Variants in COL4A2 observed in about 807,000 individuals in gnomAD.
The protein encoded by COL4A2 is collagen alpha-2(IV) chain.
COL4A2 carries 99 observed loss-of-function variants against 200.2 expected under a neutral mutation model. That is an observed-to-expected ratio of 0.49 (90% confidence interval 0.42 to 0.58). The LOEUF is 0.58. COL4A2 is among the 20% of genes least tolerant of loss of function. The probability of loss-of-function intolerance (pLI) is 0.00; values close to 1 mark genes in which losing one functional copy is unlikely to be tolerated. For missense variants in COL4A2, 1,950 were observed against 2,314.1 expected (o/e 0.84, Z 3.23); for synonymous variants, 897 against 900.6 (o/e 1.00, Z 0.07).
At chr13:110,496,699 C>T (rs1176251826) in intron 40 of COL4A2, among the ~76,000 whole-genome samples, 24 of 148,516 alleles carry the variant, frequency 1.6e-4, no homozygotes, top group African/African-American at 5.7e-4. Context: ...TAGGGTCAGT[C>T]CACCAGCACA....
intron 4 of COL4A2, among the ~76,000 whole-genome samples, chr13:110,364,388 A>G (rs867969393): frequency 6.6e-6 from 1 of 152,188 alleles, no homozygotes; most frequent in African/African-American, 2.4e-5. Flanking sequence ...CCCATTATCT[A>G]TCAAATCCTC....
At chr13:110,406,613 C>T (rs1594195645) in intron 4 of COL4A2, among the ~76,000 whole-genome samples, 1 of 144,790 alleles carries the variant, frequency 6.9e-6, no homozygotes, top group South Asian at 2.3e-4. Flanking sequence ...ATGTGAGTAC[C>T]TGGTTTTTTT....
rs145027745 is a variant in COL4A2, at chr13:110,469,377, G to A, written c.2203+53G>A. 18 of 1,514,962 alleles carry A rather than the reference G, an allele frequency of 1.2e-5. No homozygotes were observed. The African/African-American group carries it at 2.1e-4, about 17-fold the overall frequency. The allele number at this position is 1,514,962 out of a possible 1,614,324, so 93.8% of individuals were successfully genotyped here. On this transcript the variant is annotated intron_variant, in intron 28 of 47. Coordinates refer to ENST00000360467, the MANE Select transcript of COL4A2 (RefSeq NM_001846.4). Reference sequence around the variant, plus strand: ...CCCCTGGGTTCCAGCGGGAACCTGTGTGTGATTCATAAGCATCCAGCTCTA... The same window carrying A: ...CCCCTGGGTTCCAGCGGGAACCTGTATGTGATTCATAAGCATCCAGCTCTA...
In COL4A2 at chr13:110,483,865, C is replaced by T. The variant is rs140530185; in HGVS notation, c.2903-1040C>T. Among the ~76,000 whole-genome samples, 475 of 152,320 alleles carry T rather than the reference C, an allele frequency of 3.1e-3. 3 individuals are homozygous for T. Among genetic ancestry groups the T allele is most frequent in the African/African-American group, 0.011 (453 of 41,558 alleles). On this transcript the variant is annotated intron_variant, in intron 32 of 47. Coordinates refer to ENST00000360467, the MANE Select transcript of COL4A2 (RefSeq NM_001846.4). The stretch of plus-strand genomic sequence containing the variant: ...CTGCTTGCTCACAGCTCTGTGAGTA[C>T]ACTAAAGTTATGTAATTGTTCTGTT...
chr13:110,472,514 G>A (rs548711399), intron 28 of COL4A2, among the ~76,000 whole-genome samples: 16 of 152,228 alleles, frequency 1.1e-4, no homozygotes, highest in Non-Finnish European at 2.1e-4. Context: ...TGGCTCTGAC[G>A]GCCCTGTTCG....
At chr13:110,364,120 C>T (rs1038394202) in intron 4 of COL4A2, among the ~76,000 whole-genome samples, 1 of 152,198 alleles carries the variant, frequency 6.6e-6, no homozygotes, top group Admixed American at 6.5e-5. Flanking sequence ...ACGGTGTGCC[C>T]AGCATACTTA....
rs549910383 is a variant in COL4A2 at position 110,474,728 on chromosome 13, C to T, written c.2425+1578C>T. On this transcript the variant is annotated intron_variant, in intron 29 of 47. Coordinates refer to ENST00000360467, the MANE Select transcript of COL4A2 (RefSeq NM_001846.4). ...GTACACTCACATGATCACACACGCA[C>T]GTACCCACACACGTGCCGTGCACAC... 1.3e-3 allele frequency among the ~76,000 whole-genome samples: 177 copies of T among 139,706 alleles called. 39 individuals are homozygous for T. The highest frequency in any genetic ancestry group is 4.6e-3 in the African/African-American group (174 of 37,536). The allele number at this position is 139,706 out of a possible 152,430, so 91.7% of individuals were successfully genotyped here.
chr13:110,423,413 G>A (rs998073817), intron 4 of COL4A2, among the ~76,000 whole-genome samples: 1 of 152,112 alleles, frequency 6.6e-6, no homozygotes, highest in African/African-American at 2.4e-5. Context: ...ACACAGGGAG[G>A]GAAACAACAC....
At chr13:110,406,968 T>C (rs1293166450) in intron 4 of COL4A2, among the ~76,000 whole-genome samples, 1 of 152,144 alleles carries the variant, frequency 6.6e-6, no homozygotes, top group Non-Finnish European at 1.5e-5. Context: ...GGTCTCCTGC[T>C]CCTGGGGCTC....
chr13:110,391,075 GA>G (rs756317928), intron 4 of COL4A2, among the ~76,000 whole-genome samples: 1 of 152,102 alleles, frequency 6.6e-6, no homozygotes, highest in African/African-American at 2.4e-5. Context: ...CCTCATTCAT[GA>G]AAAAATGCGT....
intron 46 of COL4A2, among the ~76,000 whole-genome samples, chr13:110,507,253 T>TGG (rs1883918088): frequency 6.6e-6 from 1 of 152,200 alleles, no homozygotes; most frequent in African/African-American, 2.4e-5. Flanking sequence ...TGGCTCATGG[T>TGG]GCCTTCACAT....
intron 26 of COL4A2, 97 bp downstream of exon 26, chr13:110,466,159 A>T (rs1045004080): frequency 4.2e-6 from 6 of 1,416,894 alleles, no homozygotes; most frequent in Non-Finnish European, 5.8e-6. Flanking sequence ...AGAAATATTA[A>T]TAATATGTGC....
chr13:110,385,435 C>CGTGGTTACAGTGTG lies in COL4A2; in HGVS notation c.180+27883_180+27884insGTGGTTACAGTGTG, dbSNP rs1566504851. 6.9e-3 allele frequency among the ~76,000 whole-genome samples: 303 copies of CGTGGTTACAGTGTG among 43,702 alleles called. 35 individuals are homozygous for CGTGGTTACAGTGTG. Among genetic ancestry groups the CGTGGTTACAGTGTG allele is most frequent in the East Asian group, 0.029 (31 of 1,084 alleles). 28.7% of individuals were successfully genotyped at this position (43,702 alleles called of 152,430 possible). On this transcript the variant is annotated intron_variant, in intron 4 of 47. Transcript: ENST00000360467. The stretch of plus-strand genomic sequence containing the variant: ...TGTGGATAGACTGTGGTTACAGTGC[C>CGTGGTTACAGTGTG]TGGATAGACCGTGGCTGCAGTGTGT...
In COL4A2 at chr13:110,487,825, A is replaced by G. The variant is rs183042669; in HGVS notation, c.3208-1620A>G. On this transcript the variant is annotated intron_variant, in intron 34 of 47. Transcript: ENST00000360467. ...CAGCTGCTTTAGGTGGGGTTGTCAT[A>G]GAGTGCTGACAGTGTTCTGTGTCTT... Among the ~76,000 whole-genome samples, 65 of 152,352 alleles carry G rather than the reference A, an allele frequency of 4.3e-4. No individual in the cohort carries two copies. The East Asian group carries it at 8.3e-3, about 19-fold the overall frequency.
chr13:110,344,984 A>G (rs1267348563), intron 3 of COL4A2, among the ~76,000 whole-genome samples: 1 of 151,914 alleles, frequency 6.6e-6, no homozygotes, highest in East Asian at 1.9e-4. Context: ...TGTTTTTCCC[A>G]TGGACCTCGG....
chr13:110,420,415 G>C (rs181991590), intron 4 of COL4A2, among the ~76,000 whole-genome samples: 2 of 152,188 alleles, frequency 1.3e-5, no homozygotes, highest in Admixed American at 1.3e-4. Context: ...GGTGGTGGGA[G>C]CAGGGCGGGG....
At chr13:110,448,008 G>A (rs2139478659) in intron 18 of COL4A2, among the ~76,000 whole-genome samples, 1 of 152,326 alleles carries the variant, frequency 6.6e-6, no homozygotes, top group South Asian at 2.1e-4. Flanking sequence ...CCCCTGAGAT[G>A]TCTGTCTGGG....
At chr13:110,460,583 A>T (rs1477177942) in intron 22 of COL4A2, among the ~76,000 whole-genome samples, 1 of 152,210 alleles carries the variant, frequency 6.6e-6, no homozygotes, top group Non-Finnish European at 1.5e-5. Flanking sequence ...TTCCAAGCAC[A>T]CACGTCCACA....
chr13:110,469,367 G>GGGGCT, intron 28 of COL4A2, 43 bp downstream of exon 28: 1 of 1,538,486 alleles, frequency 6.5e-7, no homozygotes. Context: ...GGGTTCCAGC[G>GGGGCT]GGAACCTGTG....
Sources: allele counts gnomAD v4.1 joint callset (sites outside exome capture counted in the v4.1 genomes callset), GRCh38; gene constraint gnomAD v4.1.1; transcripts MANE v1.5; gene names NCBI Gene and HGNC (gene_info 2026-07-23, HGNC 2026-07-21).